EFCAB6: variants seen among roughly 807,000 people sequenced by gnomAD.
EFCAB6 encodes the protein EF-hand calcium-binding domain-containing protein 6.
In EFCAB6, 156 loss-of-function variants were observed where a neutral mutation model predicts 169.8. The ratio of observed to expected loss-of-function variants is 0.92; its 90% CI spans 0.81 to 1.05. EFCAB6 has a LOEUF of 1.05. Among genes scored for constraint, EFCAB6 ranks in the 50% least tolerant of loss-of-function variants. The pLI, the probability that EFCAB6 is intolerant of heterozygous loss-of-function variation, is 0.00. For synonymous variants in EFCAB6, 698 were observed against 676.4 expected (o/e 1.03, Z -0.50); for missense variants, 1,800 against 1,829.1 (o/e 0.98, Z 0.29).
At chr22:43,773,312 T>C (rs947826913) in intron 3 of EFCAB6, among the ~76,000 whole-genome samples, 2 of 151,938 alleles carry the variant, frequency 1.3e-5, no homozygotes, top group Non-Finnish European at 1.5e-5. Context: ...TATAGAATAA[T>C]AGTAATCACA....
chr22:43,792,613 T>C (rs994066535), intron 2 of EFCAB6, among the ~76,000 whole-genome samples: 3 of 152,206 alleles, frequency 2.0e-5, no homozygotes, highest in Non-Finnish European at 4.4e-5. Flanking sequence ...ATGAAACTTA[T>C]AGTTATCATT....
intron 27 of EFCAB6, among the ~76,000 whole-genome samples, chr22:43,549,093 A>G (rs906837721): frequency 1.3e-5 from 2 of 152,238 alleles, no homozygotes; most frequent in Non-Finnish European, 2.9e-5. Context: ...TTAAAACTAC[A>G]TATCAAAACT....
At chr22:43,624,020 C>A (rs2054315599) in intron 20 of EFCAB6, among the ~76,000 whole-genome samples, 1 of 152,108 alleles carries the variant, frequency 6.6e-6, no homozygotes, top group Non-Finnish European at 1.5e-5. Flanking sequence ...GAGGTGGCCC[C>A]TCCCAACAGA....
At chr22:43,655,520 CAAAAA>C (rs137753) in intron 17 of EFCAB6, among the ~76,000 whole-genome samples, 1 of 116,442 alleles carries the variant, frequency 8.6e-6, no homozygotes. Flanking sequence ...GACCCTGTCT[CAAAAA>C]AAAAAAAAAA....
intron 10 of EFCAB6, among the ~76,000 whole-genome samples, chr22:43,693,870 A>T (rs2058488231): frequency 6.6e-6 from 1 of 152,068 alleles, no homozygotes; most frequent in Admixed American, 6.6e-5. Flanking sequence ...TTTTAAAAGC[A>T]ATGTTTATAA....
chr22:43,658,461 C>T (rs944371365), intron 17 of EFCAB6, among the ~76,000 whole-genome samples: 1 of 152,122 alleles, frequency 6.6e-6, no homozygotes, highest in Non-Finnish European at 1.5e-5. Flanking sequence ...ATTGGAGACC[C>T]GGGTGGGCCC....
intron 23 of EFCAB6, among the ~76,000 whole-genome samples, chr22:43,595,986 A>G (rs558568752): frequency 1.3e-5 from 2 of 152,336 alleles, no homozygotes; most frequent in African/African-American, 4.8e-5. Context: ...AACAGAATAA[A>G]GGACAAAATT....
At chr22:43,746,783 T>G (rs2060580322) in intron 6 of EFCAB6, among the ~76,000 whole-genome samples, 1 of 152,230 alleles carries the variant, frequency 6.6e-6, no homozygotes, top group African/African-American at 2.4e-5. Context: ...AAAGGGCTGC[T>G]GATCTATAAG....
intron 20 of EFCAB6, among the ~76,000 whole-genome samples, chr22:43,619,807 T>G (rs2147769896): frequency 6.6e-6 from 1 of 152,122 alleles, no homozygotes; most frequent in African/African-American, 2.4e-5. Flanking sequence ...AAGAAAAAGA[T>G]GGGTACAGAA....
At chr22:43,745,605 G>C (rs184235539) in intron 6 of EFCAB6, among the ~76,000 whole-genome samples, 3 of 152,194 alleles carry the variant, frequency 2.0e-5, no homozygotes, top group African/African-American at 7.2e-5. Context: ...AAGCGGAAGA[G>C]TTCAACACCC....
chr22:43,780,862 C>T (rs1603364345), intron 3 of EFCAB6, among the ~76,000 whole-genome samples: 3 of 152,144 alleles, frequency 2.0e-5, no homozygotes, highest in East Asian at 3.8e-4. Flanking sequence ...GATGGCTTCA[C>T]CCAATTACAA....
intron 10 of EFCAB6, among the ~76,000 whole-genome samples, chr22:43,709,963 C>T (rs1385200362): frequency 1.3e-5 from 2 of 152,202 alleles, no homozygotes; most frequent in Non-Finnish European, 2.9e-5. Flanking sequence ...GAGCCAGCTG[C>T]TGTAGCTTCA....
In EFCAB6 at chr22:43,555,004, GT is replaced by G; in HGVS notation, c.3512del (p.His1171ProfsTer4). On this transcript the variant is annotated frameshift_variant, in exon 27 of 32. Coordinates refer to ENST00000262726, the MANE Select transcript of EFCAB6 (RefSeq NM_022785.4). LOFTEE classifies it high-confidence loss of function. ...CATGGTAATGGGAAGTCACTGCTTT[GT>G]GGAGGCGAGCCAGGATGTCTCTGTC... ...TADRDILARL[H>X]KAVTSHYHAI... 6.2e-7 allele frequency: 1 copy of G among 1,614,256 alleles called. No homozygotes were observed. The highest frequency in any genetic ancestry group is 8.5e-7 in the Non-Finnish European group (1 of 1,180,046).
intron 9 of EFCAB6, among the ~76,000 whole-genome samples, chr22:43,715,194 G>T (rs1569431102): frequency 6.6e-6 from 1 of 152,082 alleles, no homozygotes; most frequent in African/African-American, 2.4e-5. Flanking sequence ...TAAGTCTTGC[G>T]GGAAGGAAAT....
intron 23 of EFCAB6, among the ~76,000 whole-genome samples, chr22:43,598,568 T>C (rs2052239100): frequency 1.3e-5 from 2 of 152,186 alleles, no homozygotes; most frequent in Admixed American, 1.3e-4. Context: ...AATGTTATAT[T>C]GAAGTACACA....
At position 43,744,229 on chromosome 22, in the gene EFCAB6, T is replaced by TGTGG. The variant is rs2060482764; in HGVS notation, c.508-8240_508-8237dup. On this transcript the variant is annotated intron_variant, in intron 6 of 31. Coordinates refer to ENST00000262726, the MANE Select transcript of EFCAB6 (RefSeq NM_022785.4). The surrounding 1 kb of genome is among the most constrained non-coding windows in gnomAD (Gnocchi z 4.3). The stretch of plus-strand genomic sequence containing the variant: ...GATGGAAGGGCTATGGACAGATGGA[T>TGTGG]GTGGGGATGGATGATGAAGGATGGA... 1.3e-5 allele frequency among the ~76,000 whole-genome samples: 2 copies of TGTGG among 149,806 alleles called. No homozygotes were observed. The highest frequency in any genetic ancestry group is 3.0e-5 in the Non-Finnish European group (2 of 67,470).
At chr22:43,606,338 G>C (rs1402087515) in intron 22 of EFCAB6, among the ~76,000 whole-genome samples, 2 of 152,200 alleles carry the variant, frequency 1.3e-5, no homozygotes, top group Non-Finnish European at 2.9e-5. Context: ...ATGAGCTCTG[G>C]ATTACTCGTT....
intron 26 of EFCAB6, among the ~76,000 whole-genome samples, chr22:43,561,824 C>T (rs2049057069): frequency 6.6e-6 from 1 of 152,096 alleles, no homozygotes; most frequent in African/African-American, 2.4e-5. Flanking sequence ...AATGTTTCTC[C>T]TAATCAAAAA....
chr22:43,635,702 C>A (rs2055339791), intron 17 of EFCAB6, among the ~76,000 whole-genome samples: 3 of 152,116 alleles, frequency 2.0e-5, no homozygotes, highest in Admixed American at 2.0e-4. Context: ...GGGTGGCCAT[C>A]CATGAATGCT....
Sources: gnomAD v4.1 joint callset for allele counts (sites outside exome capture counted in the v4.1 genomes callset) on GRCh38, gnomAD v4.1.1 for gene constraint, Gnocchi (gnomAD v3.1) non-coding constraint, MANE v1.5 for transcripts, NCBI Gene and HGNC (gene_info 2026-07-23, HGNC 2026-07-21) for gene names.